The following RNF150 variants were observed in gnomAD, a reference collection of about 807,000 sequenced individuals.
RNF150 encodes ring finger protein 150.
Under a neutral mutation model 39.3 loss-of-function variants are expected in RNF150, and 24 were observed. The observed-to-expected ratio is 0.61, with a 90% confidence interval of 0.44 to 0.86. RNF150 has a LOEUF of 0.86. Ranked by LOEUF, RNF150 falls within the 40% of genes least tolerant of loss-of-function variation. The pLI is 0.00. For synonymous variants in RNF150, 255 were observed against 227.3 expected, an observed-to-expected ratio of 1.12 and a Z score of -1.10; for missense variants, 502 against 587.8, an observed-to-expected ratio of 0.85 and a Z score of 1.51.
chr4:140,999,942 A>AAAGAAGAAGAAGAAG (rs879391696), intron 1 of RNF150, among the ~76,000 whole-genome samples: 2 of 34,524 alleles, frequency 5.8e-5, no homozygotes, highest in Admixed American at 4.1e-4. Context: ...GGTCTCAAAA[A>AAAGAAGAAGAAGAAG]AAGAAGAAGA....
chr4:140,949,260 T>C, intron 3 of RNF150, 41 bp downstream of exon 3: 1 of 1,513,932 alleles, frequency 6.6e-7, no homozygotes, highest in Non-Finnish European at 9.1e-7. Flanking sequence ...AGAAGCTTCT[T>C]TGAATAGCTC....
intron 1 of RNF150, among the ~76,000 whole-genome samples, chr4:140,986,946 AC>A (rs368394789): frequency 1.9e-4 from 29 of 152,190 alleles, no homozygotes; most frequent in African/African-American, 6.0e-4. Context: ...AAATCAATGT[AC>A]AAAAATCAGC....
intron 5 of RNF150, among the ~76,000 whole-genome samples, chr4:140,922,117 A>G (rs1731179906): frequency 6.6e-6 from 1 of 152,014 alleles, no homozygotes; most frequent in Admixed American, 6.6e-5. Context: ...AGTTCTGGCC[A>G]GGGCATTCAG....
At chr4:140,951,664 T>C (rs1362703005) in intron 2 of RNF150, among the ~76,000 whole-genome samples, 1 of 152,012 alleles carries the variant, frequency 6.6e-6, no homozygotes, top group Admixed American at 6.6e-5. Context: ...CTTGTGGTCC[T>C]GGCTTGGCAA....
chr4:141,125,368 A>C (rs1007932098), intron 1 of RNF150, among the ~76,000 whole-genome samples: 14 of 152,158 alleles, frequency 9.2e-5, no homozygotes, highest in African/African-American at 3.1e-4. Flanking sequence ...TACCACCAAA[A>C]CCCTCAAGAA....
At chr4:141,111,970 G>T (rs1259144166) in intron 1 of RNF150, among the ~76,000 whole-genome samples, 1 of 152,082 alleles carries the variant, frequency 6.6e-6, no homozygotes, top group Non-Finnish European at 1.5e-5. Context: ...CAAAAGAACT[G>T]ATTTATTTAT....
intron 1 of RNF150, among the ~76,000 whole-genome samples, chr4:141,196,889 G>A (rs940017089): frequency 6.6e-6 from 1 of 152,164 alleles, no homozygotes; most frequent in Non-Finnish European, 1.5e-5. Flanking sequence ...CCAGAAAGGT[G>A]GCCAGCTGAT....
At chr4:141,036,561 G>A (rs1736155497) in intron 1 of RNF150, among the ~76,000 whole-genome samples, 1 of 152,068 alleles carries the variant, frequency 6.6e-6, no homozygotes, top group Non-Finnish European at 1.5e-5. Flanking sequence ...TGTTCTATGG[G>A]TAATAACGTG....
chr4:141,107,072 A>T (rs1739236038), intron 1 of RNF150, among the ~76,000 whole-genome samples: 3 of 152,200 alleles, frequency 2.0e-5, no homozygotes, highest in African/African-American at 7.2e-5. Flanking sequence ...ACAATGAAAA[A>T]TAAACACTTT....
intron 1 of RNF150, among the ~76,000 whole-genome samples, chr4:141,002,812 T>C (rs1734714621): frequency 6.6e-6 from 1 of 152,124 alleles, no homozygotes; most frequent in Admixed American, 6.5e-5. Flanking sequence ...TAGCGCACAT[T>C]CCCTCACTGA....
intron 1 of RNF150, among the ~76,000 whole-genome samples, chr4:141,186,861 T>G (rs1334437121): frequency 1.3e-5 from 2 of 152,174 alleles, no homozygotes; most frequent in Admixed American, 1.3e-4. Flanking sequence ...CCTTCAGTTC[T>G]GTTCTGATCT....
At chr4:141,207,875 G>A (rs1263765545) in intron 1 of RNF150, among the ~76,000 whole-genome samples, 2 of 152,138 alleles carry the variant, frequency 1.3e-5, no homozygotes, top group African/African-American at 2.4e-5. Context: ...TTTTTATCAG[G>A]AGGGTTTAGT....
intron 2 of RNF150, among the ~76,000 whole-genome samples, chr4:140,956,063 T>C (rs930831189): frequency 2.0e-5 from 3 of 152,172 alleles, no homozygotes; most frequent in Admixed American, 6.5e-5. Context: ...ATATTGTTTA[T>C]GAAAACCAAA....
intron 1 of RNF150, among the ~76,000 whole-genome samples, chr4:141,034,314 C>T (rs1489866775): frequency 6.6e-6 from 1 of 152,188 alleles, no homozygotes; most frequent in Non-Finnish European, 1.5e-5. Flanking sequence ...CTCTCTCAGC[C>T]TTCCTACCAT....
chr4:141,093,222 C>T (rs189430213), intron 1 of RNF150, among the ~76,000 whole-genome samples: 2 of 152,076 alleles, frequency 1.3e-5, no homozygotes, highest in Admixed American at 1.3e-4. Context: ...AAGAATTGGC[C>T]GGGCATGGTG....
intron 1 of RNF150, among the ~76,000 whole-genome samples, chr4:141,078,205 C>G (rs796721486): frequency 2.6e-5 from 4 of 152,244 alleles, no homozygotes; most frequent in African/African-American, 9.6e-5. Context: ...TGTACTTAAC[C>G]ATTCCCTCAG....
rs1260489578 is a variant in RNF150 at position 141,132,629 on chromosome 4, C to G, written c.180G>C (p.Ala60=). The change falls in exon 1 of 7, where the codon GCG becomes GCC. Residue 60 remains alanine (A), a synonymous_variant. Coordinates refer to ENST00000515673, the MANE Select transcript of RNF150 (RefSeq NM_020724.2). This position sits in a 1 kb window ranked among gnomAD's most constrained non-coding sequence, Gnocchi z 4.9. ...EPAPDPGAGA[A]GGGGAELHTE... is the part of the protein sequence containing the mutation. The stretch of plus-strand genomic sequence containing the variant: ...TGTGCAGCTCCGCGCCGCCGCCGCC[C>G]GCCGCCCCGGCCCCGGGGTCCGGCG... 3.2e-6 allele frequency: 5 copies of G among 1,567,934 alleles called. No homozygotes were observed. The highest frequency in any genetic ancestry group is 4.3e-6 in the Non-Finnish European group (5 of 1,161,860).
At chr4:140,879,992 T>A (rs1729313105) in intron 6 of RNF150, among the ~76,000 whole-genome samples, 1 of 152,190 alleles carries the variant, frequency 6.6e-6, no homozygotes, top group Admixed American at 6.5e-5. Flanking sequence ...TTTTATATAT[T>A]TTTTTCTTTC....
intron 1 of RNF150, among the ~76,000 whole-genome samples, chr4:141,124,168 T>C (rs1485141289): frequency 6.6e-6 from 1 of 152,218 alleles, no homozygotes; most frequent in African/African-American, 2.4e-5. Context: ...GTACTTTCTA[T>C]CTAATAAAAC....
Sources: gnomAD v4.1 joint callset for allele counts (sites outside exome capture counted in the v4.1 genomes callset) on GRCh38, gnomAD v4.1.1 for gene constraint, Gnocchi (gnomAD v3.1) non-coding constraint, MANE v1.5 for transcripts, NCBI Gene and HGNC (gene_info 2026-07-23, HGNC 2026-07-21) for gene names.